Variants in TARBP1 observed in about 807,000 individuals in gnomAD.
TARBP1 encodes tRNA (guanosine(18)-2'-O)-methyltransferase TARBP1.
TARBP1 carries 144 observed loss-of-function variants against 178.6 expected under a neutral mutation model. That is an observed-to-expected ratio of 0.81 (90% CI 0.70 to 0.93). TARBP1 has a LOEUF of 0.93. Ranked by LOEUF, TARBP1 falls within the 40% of genes least tolerant of loss-of-function variation. The probability of loss-of-function intolerance (pLI) is 0.00; values close to 1 mark genes in which losing one functional copy is unlikely to be tolerated. For missense variants in TARBP1, 2,067 were observed against 2,011.7 expected (o/e 1.03, Z -0.53); for synonymous variants, 787 against 781.0 (o/e 1.01, Z -0.13).
chr1:234,393,959 A>G, intron 26 of TARBP1, 122 bp from the exon 27 acceptor site: 2 of 812,652 alleles, frequency 2.5e-6, no homozygotes, highest in Non-Finnish European at 3.6e-6. Flanking sequence ...ATTTAGAATG[A>G]GACTTAACAA....
chr1:234,393,117 A>G (rs1659561824), intron 28 of TARBP1, among the ~76,000 whole-genome samples: 1 of 152,204 alleles, frequency 6.6e-6, no homozygotes, highest in South Asian at 2.1e-4. Flanking sequence ...ATGATTTCTA[A>G]AACTGTGACC....
At chr1:234,442,234 T>C (rs1665671364) in intron 12 of TARBP1, among the ~76,000 whole-genome samples, 2 of 152,016 alleles carry the variant, frequency 1.3e-5, no homozygotes, top group South Asian at 4.1e-4. Context: ...AAAACAAAAA[T>C]AAACTGGATT....
At chr1:234,442,222 A>G (rs1472436232) in intron 12 of TARBP1, among the ~76,000 whole-genome samples, 1 of 152,218 alleles carries the variant, frequency 6.6e-6, no homozygotes, top group East Asian at 1.9e-4. Context: ...GATCCATAAA[A>G]CAAAACAAAA....
intron 9 of TARBP1, among the ~76,000 whole-genome samples, chr1:234,455,360 T>C (rs1354394827): frequency 1.3e-5 from 2 of 152,228 alleles, no homozygotes; most frequent in Non-Finnish European, 2.9e-5. Context: ...ACTATTCATT[T>C]ATTGTGGCAT....
intron 20 of TARBP1, among the ~76,000 whole-genome samples, chr1:234,421,698 T>C (rs966196431): frequency 1.3e-5 from 2 of 152,250 alleles, no homozygotes; most frequent in Non-Finnish European, 2.9e-5. Flanking sequence ...TGGCTTTTCA[T>C]GGCTTGTGCC....
At chr1:234,412,910 T>C (rs1203072835) in intron 22 of TARBP1, among the ~76,000 whole-genome samples, 4 of 152,138 alleles carry the variant, frequency 2.6e-5, no homozygotes, top group Non-Finnish European at 2.9e-5. Context: ...GTCATGTGAT[T>C]TGCTTTGGCT....
At position 234,465,710 on chromosome 1, in the gene TARBP1, T is replaced by TAAA. The variant is rs531256921; in HGVS notation, c.1249-5_1249-3dup. On this transcript the variant is annotated splice_polypyrimidine_tract_variant and splice_region_variant and intron_variant, in intron 4 of 29. Coordinates refer to ENST00000040877, the MANE Select transcript of TARBP1 (RefSeq NM_005646.4). ...ATCCATTAATGGTCCAATAATAAAC[T>TAAA]AAAAAAAAAAAAAAAAAAAGACACG... The TAAA allele has an allele frequency of 4.8e-4, 605 of 1,270,206 alleles. No individual in the cohort carries two copies. The highest frequency in any genetic ancestry group is 1.9e-3 in the South Asian group (107 of 57,302). The allele number at this position is 1,270,206 out of a possible 1,614,324, so 78.7% of individuals were successfully genotyped here.
At position 234,392,436 on chromosome 1, in the gene TARBP1, C is replaced by T. The variant is rs567916553; in HGVS notation, c.4677G>A (p.Glu1559=). The T allele has an allele frequency of 1.2e-6, 2 of 1,614,070 alleles. No homozygotes were observed. The highest frequency in any genetic ancestry group is 2.7e-5 in the African/African-American group (2 of 75,020). Residue 1559 remains glutamate, a synonymous_variant, in exon 29 of 30, where the codon GAG becomes GAA. Coordinates refer to ENST00000040877, the MANE Select transcript of TARBP1 (RefSeq NM_005646.4). ...CTTACCCCAACAAGAGCAGAGATTT[C>T]TCAGGAAAGCAATATTGGGTTAGGT... The part of the protein sequence containing the change: ...SLDLTQYCFP[E]KSLLLLGNER...
intron 29 of TARBP1, among the ~76,000 whole-genome samples, chr1:234,392,089 C>G (rs576433922): frequency 6.6e-6 from 1 of 152,290 alleles, no homozygotes; most frequent in East Asian, 1.9e-4. Flanking sequence ...ATCTTCTAGC[C>G]AGGCACGGTG....
chr1:234,467,603 T>C lies in TARBP1; in HGVS notation c.1147A>G (p.Met383Val). 1 of 1,609,708 alleles carries C rather than the reference T, an allele frequency of 6.2e-7. No individual in the cohort carries two copies. Among genetic ancestry groups the C allele is most frequent in the South Asian group, 1.1e-5 (1 of 89,834 alleles). The change falls in exon 4 of 30, where the codon ATG becomes GTG. Residue 383 changes from methionine (M) to valine (V), a missense_variant. Coordinates refer to ENST00000040877, the MANE Select transcript of TARBP1 (RefSeq NM_005646.4). ...AGGATTTTGTTTTCACTTTCAAACATTCTTTTATAAATACACATATGCCAG... is the reference window on the plus strand; with the variant it reads ...AGGATTTTGTTTTCACTTTCAAACACTCTTTTATAAATACACATATGCCAG... ...PSWHMCIYKR[M>V]FESENKILSK...
rs746936475 is a variant in TARBP1, at chr1:234,391,624, C to T, written c.4819G>A (p.Glu1607Lys). 1 of 1,613,448 alleles carries T rather than the reference C, an allele frequency of 6.2e-7. No homozygotes were observed. Among genetic ancestry groups the T allele is most frequent in the African/African-American group, 1.3e-5 (1 of 74,898 alleles). ...VHVSGALLIW[E>K]YTRQQLLSHG... is the part of the protein sequence containing the mutation. ...GAGAGCAGCTGCTGCCTGGTGTACT[C>T]CCAGATCAGCAGGGCTCCACTCACA... Residue 1607 changes from glutamate (E) to lysine (K), a missense_variant, in exon 30 of 30, where the codon GAG becomes AAG. Transcript: ENST00000040877.
chr1:234,412,993 G>A (rs972435959), intron 22 of TARBP1, among the ~76,000 whole-genome samples: 16 of 152,042 alleles, frequency 1.1e-4, no homozygotes, highest in Non-Finnish European at 1.8e-4. Flanking sequence ...ACCCGCCTGC[G>A]CCCCCTCGAC....
chr1:234,457,426 A>G (rs1430034375), intron 9 of TARBP1, among the ~76,000 whole-genome samples: 1 of 152,166 alleles, frequency 6.6e-6, no homozygotes, highest in Non-Finnish European at 1.5e-5. Context: ...CCCACTAGCA[A>G]TATCTTTTCT....
chr1:234,402,139 T>C (rs887462496), intron 24 of TARBP1, among the ~76,000 whole-genome samples: 2 of 152,198 alleles, frequency 1.3e-5, no homozygotes, highest in Non-Finnish European at 2.9e-5. Context: ...CCATCAGTAA[T>C]GGACTCAAGC....
chr1:234,450,818 ATG>A lies in TARBP1; in HGVS notation c.1723-254_1723-253del, dbSNP rs1290032589. On this transcript the variant is annotated intron_variant, in intron 9 of 29. Transcript: ENST00000040877. ...GTGAGATATATATATATATACACATATGTGTGTGTGTGTGTTTTCTAATCTCC... is the reference window on the plus strand; with the variant it reads ...GTGAGATATATATATATATACACATATGTGTGTGTGTGTTTTCTAATCTCC... Among the ~76,000 whole-genome samples, 9 of 151,622 alleles carry A rather than the reference ATG, an allele frequency of 5.9e-5. No homozygotes were observed. In the East Asian group the frequency reaches 1.2e-3, roughly 20 times the overall value.
At chr1:234,445,026 C>T (rs1413696752) in intron 12 of TARBP1, among the ~76,000 whole-genome samples, 2 of 152,168 alleles carry the variant, frequency 1.3e-5, no homozygotes, top group Admixed American at 6.5e-5. Flanking sequence ...ATTTTACTCA[C>T]TATTTTCATT....
intron 26 of TARBP1, among the ~76,000 whole-genome samples, chr1:234,394,750 G>A (rs997161948): frequency 1.4e-4 from 22 of 152,254 alleles, no homozygotes; most frequent in Admixed American, 1.4e-3. Flanking sequence ...CTGCAATGGA[G>A]TGGAGGGAGA....
In TARBP1 at chr1:234,459,341, C is replaced by CA. The variant is rs1299339017; in HGVS notation, c.1536-16dup. The stretch of plus-strand genomic sequence containing the variant: ...GAATAACATCCCTGACATCGAAACA[C>CA]AAAAAATGCAGTTCCGTATTCCCAA... On this transcript the variant is annotated splice_polypyrimidine_tract_variant and intron_variant, in intron 7 of 29. Coordinates refer to ENST00000040877, the MANE Select transcript of TARBP1 (RefSeq NM_005646.4). 1.9e-6 allele frequency: 3 copies of CA among 1,579,344 alleles called. No individual in the cohort carries two copies. The highest frequency in any genetic ancestry group is 2.2e-5 in the East Asian group (1 of 44,544).
chr1:234,467,900 T>C (rs899423697), intron 3 of TARBP1, among the ~76,000 whole-genome samples: 4 of 152,078 alleles, frequency 2.6e-5, no homozygotes, highest in African/African-American at 9.7e-5. Context: ...GCTTCCTGAG[T>C]AGTTTCCTAG....
Sources: gnomAD v4.1 joint callset for allele counts (sites outside exome capture counted in the v4.1 genomes callset) on GRCh38, gnomAD v4.1.1 for gene constraint, MANE v1.5 for transcripts, NCBI Gene and HGNC (gene_info 2026-07-23, HGNC 2026-07-21) for gene names.